ATP8A2: variants seen among roughly 807,000 people sequenced by gnomAD.
ATP8A2 encodes phospholipid-transporting ATPase IB.
ATP8A2 carries 100 observed loss-of-function variants against 165.6 expected under a neutral mutation model. The ratio of observed to expected loss-of-function variants is 0.60; its 90% CI spans 0.51 to 0.71. The LOEUF is 0.71. ATP8A2 is among the 30% of genes least tolerant of loss of function. The probability of loss-of-function intolerance (pLI) is 0.00; values close to 1 mark genes in which losing one functional copy is unlikely to be tolerated. For synonymous variants in ATP8A2, 543 were observed against 548.8 expected (o/e 0.99, Z 0.15); for missense variants, 1,227 against 1,479.5 (o/e 0.83, Z 2.80).
chr13:25,954,414 G>A (rs570499438), intron 33 of ATP8A2, among the ~76,000 whole-genome samples: 1 of 152,340 alleles, frequency 6.6e-6, no homozygotes, highest in African/African-American at 2.4e-5. Context: ...GGGGGAAGGG[G>A]CAGCTGTGAG....
intron 1 of ATP8A2, among the ~76,000 whole-genome samples, chr13:25,406,016 G>A (rs1188963935): frequency 6.6e-6 from 1 of 152,080 alleles, no homozygotes; most frequent in East Asian, 1.9e-4. Context: ...TCACCTTCCA[G>A]GACATGATTG....
chr13:25,882,938 A>G (rs1024515206), intron 33 of ATP8A2, among the ~76,000 whole-genome samples: 2 of 146,600 alleles, frequency 1.4e-5, no homozygotes, highest in African/African-American at 2.5e-5. Flanking sequence ...GATGATGATG[A>G]TGGTGATGGT....
chr13:25,924,553 T>A (rs1212610802), intron 33 of ATP8A2, among the ~76,000 whole-genome samples: 1 of 152,170 alleles, frequency 6.6e-6, no homozygotes, highest in Non-Finnish European at 1.5e-5. Context: ...CCTATTTACC[T>A]CATTTCAACC....
intron 25 of ATP8A2, among the ~76,000 whole-genome samples, chr13:25,705,007 G>A (rs2043026987): frequency 6.6e-6 from 1 of 152,134 alleles, no homozygotes; most frequent in Non-Finnish European, 1.5e-5. Context: ...TATATGTTTA[G>A]ACTTATTCAA....
intron 16 of ATP8A2, 87 bp downstream of exon 16, chr13:25,564,118 A>G (rs566292048): frequency 8.4e-6 from 8 of 947,358 alleles, no homozygotes; most frequent in Admixed American, 1.8e-5. Context: ...TGCAAGTTGC[A>G]GTTTTAGAGC....
intron 33 of ATP8A2, among the ~76,000 whole-genome samples, chr13:25,905,765 T>C (rs1028441120): frequency 6.6e-6 from 1 of 152,216 alleles, no homozygotes; most frequent in African/African-American, 2.4e-5. Flanking sequence ...CGTTGGTTCC[T>C]GTGATTTTCC....
At chr13:25,568,893 G>T (rs1237168334) in intron 16 of ATP8A2, among the ~76,000 whole-genome samples, 1 of 151,916 alleles carries the variant, frequency 6.6e-6, no homozygotes, top group Non-Finnish European at 1.5e-5. Context: ...ATTTATTATA[G>T]AATGCAATAG....
chr13:25,874,505 T>A (rs1471134432), intron 33 of ATP8A2, among the ~76,000 whole-genome samples: 1 of 152,214 alleles, frequency 6.6e-6, no homozygotes, highest in East Asian at 1.9e-4. Context: ...ATGTATGAGG[T>A]GTCATCTCAC....
In ATP8A2 at chr13:25,588,665, C is replaced by A. The variant is rs150921385; in HGVS notation, c.2147-970C>A. Among the ~76,000 whole-genome samples, 37 of 152,342 alleles carry A rather than the reference C, an allele frequency of 2.4e-4. No individual in the cohort carries two copies. The East Asian group carries it at 6.9e-3, about 29-fold the overall frequency. ...AATCCATTATCTTAAGGTGCTGAGA[C>A]AAAACTAGTTGTGGGGGCCAATATT... On this transcript the variant is annotated intron_variant, in intron 23 of 36. Transcript: ENST00000381655.
chr13:25,529,366 G>T (rs1408227301), intron 2 of ATP8A2, among the ~76,000 whole-genome samples: 1 of 152,174 alleles, frequency 6.6e-6, no homozygotes, highest in Non-Finnish European at 1.5e-5. Context: ...AATCTGTTCT[G>T]GGGATAGATA....
chr13:25,611,317 C>T (rs943329253), intron 24 of ATP8A2, among the ~76,000 whole-genome samples: 1 of 151,782 alleles, frequency 6.6e-6, no homozygotes, highest in African/African-American at 2.4e-5. Context: ...GAGGTATGTC[C>T]CTTGTATGCC....
intron 1 of ATP8A2, among the ~76,000 whole-genome samples, chr13:25,421,777 G>A (rs775676855): frequency 8.5e-5 from 13 of 152,356 alleles, no homozygotes; most frequent in Middle Eastern, 3.4e-3. Flanking sequence ...AGCCTGCAGT[G>A]GCCCTACGTG....
At chr13:25,725,987 G>A (rs896195977) in intron 25 of ATP8A2, among the ~76,000 whole-genome samples, 4 of 152,204 alleles carry the variant, frequency 2.6e-5, no homozygotes, top group African/African-American at 9.7e-5. Context: ...GCTCAGAAAG[G>A]ATAGGTAACT....
chr13:25,942,586 C>A (rs1411679428), intron 33 of ATP8A2, among the ~76,000 whole-genome samples: 2 of 152,182 alleles, frequency 1.3e-5, no homozygotes, highest in Non-Finnish European at 2.9e-5. Context: ...CCACACCCAG[C>A]TAATTTTTTG....
chr13:25,385,062 TA>T (rs1202839408), intron 1 of ATP8A2, among the ~76,000 whole-genome samples: 1 of 152,230 alleles, frequency 6.6e-6, no homozygotes, highest in Non-Finnish European at 1.5e-5. Context: ...CAAAGGGCTT[TA>T]GTTAGTCTTT....
At chr13:25,425,751 T>C (rs1226383647) in intron 1 of ATP8A2, among the ~76,000 whole-genome samples, 1 of 152,030 alleles carries the variant, frequency 6.6e-6, no homozygotes, top group East Asian at 1.9e-4. Context: ...ATTTTTTGTA[T>C]TTTTTTAGTA....
At chr13:25,840,932 T>G (rs1951736388) in intron 30 of ATP8A2, among the ~76,000 whole-genome samples, 1 of 152,228 alleles carries the variant, frequency 6.6e-6, no homozygotes, top group African/African-American at 2.4e-5. Flanking sequence ...ACAAGTACTC[T>G]CTGAAGACCC....
intron 35 of ATP8A2, among the ~76,000 whole-genome samples, chr13:25,980,026 G>A (rs971248356): frequency 1.3e-5 from 2 of 152,172 alleles, no homozygotes; most frequent in Non-Finnish European, 2.9e-5. Flanking sequence ...AGGGAAAACC[G>A]TATGTATTTT....
chr13:25,409,034 T>A (rs907165591), intron 1 of ATP8A2, among the ~76,000 whole-genome samples: 3 of 152,248 alleles, frequency 2.0e-5, no homozygotes. Context: ...TATTTGAATA[T>A]CTTTCTTATT....
Sources: allele counts gnomAD v4.1 joint callset (sites outside exome capture counted in the v4.1 genomes callset), GRCh38; gene constraint gnomAD v4.1.1; transcripts MANE v1.5; gene names NCBI Gene and HGNC (gene_info 2026-07-23, HGNC 2026-07-21).